The following AIG1 variants were observed in gnomAD, a reference collection of about 807,000 sequenced individuals.
AIG1 encodes the protein androgen-induced gene 1 protein.
In AIG1, 23 loss-of-function variants were observed where a neutral mutation model predicts 31.4. That is an observed-to-expected ratio of 0.73 (90% confidence interval 0.53 to 1.04). The LOEUF (loss-of-function observed/expected upper bound fraction) is 1.04, where lower values mean the gene tolerates loss of function less well. AIG1 is among the 50% of genes least tolerant of loss of function. The pLI is 0.00. For synonymous variants in AIG1, 100 were observed against 110.5 expected (o/e 0.90, Z 0.60); for missense variants, 274 against 295.0 (o/e 0.93, Z 0.52).
chr6:143,250,588 G>A (rs1794940042), intron 3 of AIG1, among the ~76,000 whole-genome samples: 2 of 152,102 alleles, frequency 1.3e-5, no homozygotes, highest in Admixed American at 1.3e-4. Context: ...GCCATCACAG[G>A]TGTCCTTGTA....
intron 3 of AIG1, among the ~76,000 whole-genome samples, chr6:143,276,667 T>C (rs925217971): frequency 2.6e-5 from 4 of 151,984 alleles, no homozygotes; most frequent in African/African-American, 7.2e-5. Context: ...ACAGAAACTA[T>C]AGTGGCTGAG....
At chr6:143,147,534 AG>A (rs1784815785) in intron 2 of AIG1, among the ~76,000 whole-genome samples, 1 of 152,156 alleles carries the variant, frequency 6.6e-6, no homozygotes, top group Non-Finnish European at 1.5e-5. Flanking sequence ...CCTTGGCCAG[AG>A]GGTACTGTGA....
intron 1 of AIG1, among the ~76,000 whole-genome samples, chr6:143,110,076 T>C (rs180694868): frequency 4.5e-4 from 68 of 152,302 alleles, no homozygotes; most frequent in African/African-American, 1.6e-3. Flanking sequence ...AGGATCATTT[T>C]TTCTCACATG....
intron 3 of AIG1, among the ~76,000 whole-genome samples, chr6:143,253,543 A>G (rs1486239104): frequency 6.6e-6 from 1 of 152,216 alleles, no homozygotes; most frequent in Non-Finnish European, 1.5e-5. Context: ...CGCCATCAGT[A>G]ACTCATTAAC....
At chr6:143,275,845 C>G (rs1260940952) in intron 3 of AIG1, among the ~76,000 whole-genome samples, 5 of 152,202 alleles carry the variant, frequency 3.3e-5, no homozygotes, top group African/African-American at 1.2e-4. Context: ...GAGAACTACA[C>G]ATACTAATTG....
At chr6:143,079,286 C>T in intron 1 of AIG1, among the ~76,000 whole-genome samples, 1 of 152,026 alleles carries the variant, frequency 6.6e-6, no homozygotes, top group South Asian at 2.1e-4. Flanking sequence ...TTCCTCTATC[C>T]TCAGACTGGA....
At chr6:143,176,428 T>C (rs1308552450) in intron 3 of AIG1, among the ~76,000 whole-genome samples, 4 of 152,152 alleles carry the variant, frequency 2.6e-5, no homozygotes, top group African/African-American at 7.2e-5. Context: ...TTGTTTTTTG[T>C]CTTGGGCTTC....
intron 2 of AIG1, among the ~76,000 whole-genome samples, chr6:143,147,221 G>T (rs1036916333): frequency 1.3e-5 from 2 of 152,206 alleles, no homozygotes; most frequent in Non-Finnish European, 2.9e-5. Flanking sequence ...AAGCTATGCC[G>T]CAGAGGGAGT....
chr6:143,177,236 C>T (rs373176735), intron 3 of AIG1, among the ~76,000 whole-genome samples: 5 of 152,138 alleles, frequency 3.3e-5, no homozygotes, highest in African/African-American at 7.2e-5. Flanking sequence ...TGTGTTCTCT[C>T]GTATCTTCCC....
intron 4 of AIG1, among the ~76,000 whole-genome samples, chr6:143,332,466 T>TG (rs1294884470): frequency 6.6e-6 from 1 of 152,178 alleles, no homozygotes; most frequent in Non-Finnish European, 1.5e-5. Context: ...AAAATATTTC[T>TG]GGAACACAAA....
chr6:143,329,533 C>T lies in AIG1; in HGVS notation c.516-3749C>T, dbSNP rs1043872900. Among the ~76,000 whole-genome samples the T allele has an allele frequency of 1.2e-4, 18 of 152,130 alleles. No individual in the cohort carries two copies. Among genetic ancestry groups the T allele is most frequent in the African/African-American group, 3.9e-4 (16 of 41,426 alleles). ...ATAAGCTCTGATTCATACAATAGTA[C>T]GATGAGAATGCCATGCTATATCTAG... is the stretch of plus-strand genomic sequence containing the variant. On this transcript the variant is annotated intron_variant, in intron 4 of 5. Transcript: ENST00000357847. This position sits in a 1 kb window ranked among gnomAD's most constrained non-coding sequence, Gnocchi z 4.9.
chr6:143,289,567 C>A (rs781605695), intron 4 of AIG1, among the ~76,000 whole-genome samples: 4 of 152,072 alleles, frequency 2.6e-5, no homozygotes, highest in Non-Finnish European at 4.4e-5. Flanking sequence ...GAAGTATGTT[C>A]ATTCTTTTAT....
chr6:143,296,765 G>A (rs373355767), intron 4 of AIG1, among the ~76,000 whole-genome samples: 17 of 152,170 alleles, frequency 1.1e-4, no homozygotes, highest in Non-Finnish European at 7.3e-5. Flanking sequence ...ATCTAAAATA[G>A]CCATATAAAA....
intron 2 of AIG1, among the ~76,000 whole-genome samples, chr6:143,158,041 C>T (rs1023266968): frequency 6.6e-6 from 1 of 152,178 alleles, no homozygotes; most frequent in African/African-American, 2.4e-5. Flanking sequence ...TTTTCCACTA[C>T]TGCCTTTCCT....
At chr6:143,224,247 C>T (rs143213462) in intron 3 of AIG1, among the ~76,000 whole-genome samples, 8 of 152,304 alleles carry the variant, frequency 5.3e-5, no homozygotes, top group South Asian at 2.1e-4. Flanking sequence ...ACATCCAAAC[C>T]GGAACTCCTC....
chr6:143,219,096 G>C (rs1792258286), intron 3 of AIG1, among the ~76,000 whole-genome samples: 1 of 152,110 alleles, frequency 6.6e-6, no homozygotes, highest in Non-Finnish European at 1.5e-5. Flanking sequence ...TCAGAACTCA[G>C]ATACACACTT....
intron 3 of AIG1, among the ~76,000 whole-genome samples, chr6:143,223,866 T>G (rs1192795120): frequency 6.6e-6 from 1 of 152,212 alleles, no homozygotes; most frequent in Non-Finnish European, 1.5e-5. Flanking sequence ...ATTAAATTAC[T>G]GGAAATCAGT....
rs914972523 is a variant in AIG1 at position 143,298,727 on chromosome 6, A to C, written c.515+14502A>C. The C allele has an allele frequency of 6.6e-6, 1 of 152,002 alleles. No individual in the cohort carries two copies. The highest frequency in any genetic ancestry group is 2.4e-5 in the African/African-American group (1 of 41,148). 9.4% of individuals were successfully genotyped at this position (152,002 alleles called of 1,614,324 possible). On this transcript the variant is annotated intron_variant, in intron 4 of 5. Coordinates refer to ENST00000357847, the MANE Select transcript of AIG1 (RefSeq NM_016108.4). The surrounding 1 kb of genome is among the most constrained non-coding windows in gnomAD (Gnocchi z 5.1). ...TAGTATAGTATGCTTGTGCCACTGC[A>C]CTCCACCCTGGGCAACAGAGCAAGA...
chr6:143,060,790 C>A (rs1369095908), upstream of AIG1: 1 of 122,174 alleles, frequency 8.2e-6, no homozygotes, highest in African/African-American at 3.0e-5. Flanking sequence ...CGCCCCGCCC[C>A]CGCCCCCGCC....
Sources: gnomAD v4.1 joint callset for allele counts (sites outside exome capture counted in the v4.1 genomes callset) on GRCh38, gnomAD v4.1.1 for gene constraint, Gnocchi (gnomAD v3.1) non-coding constraint, MANE v1.5 for transcripts, NCBI Gene and HGNC (gene_info 2026-07-23, HGNC 2026-07-21) for gene names.